DLGAP2: variants seen among roughly 807,000 people sequenced by gnomAD.
DLGAP2 encodes DLG associated protein 2, also known as disks large-associated protein 2.
Under a neutral mutation model 100.3 loss-of-function variants are expected in DLGAP2, and 26 were observed. The observed-to-expected ratio is 0.26, with a 90% CI of 0.19 to 0.36. The LOEUF is 0.36. Among genes scored for constraint, DLGAP2 ranks in the 10% least tolerant of loss-of-function variants. The pLI, the probability that DLGAP2 is intolerant of heterozygous loss-of-function variation, is 1.00. For synonymous variants in DLGAP2, 886 were observed against 630.1 expected (o/e 1.41, Z -6.08); for missense variants, 1,858 against 1,453.2 (o/e 1.28, Z -4.53).
At chr8:1,062,448 C>T (rs1803113875) in intron 2 of DLGAP2, among the ~76,000 whole-genome samples, 1 of 152,152 alleles carries the variant, frequency 6.6e-6, no homozygotes, top group Non-Finnish European at 1.5e-5. Flanking sequence ...CTGCGCTCGG[C>T]GTTTGGATGC....
At position 832,895 on chromosome 8, in the gene DLGAP2, T is replaced by C. The variant is rs186332511; in HGVS notation, c.19-75017T>C. On this transcript the variant is annotated intron_variant, in intron 1 of 14. Coordinates refer to ENST00000637795, the MANE Select transcript of DLGAP2 (RefSeq NM_001346810.2). ...CGGGGTGTATGGACATGGGGTGGGC[T>C]CTTCCTCTTGGGAGTCAGTTCTTTG... Among the ~76,000 whole-genome samples the C allele has an allele frequency of 2.0e-5, 3 of 152,264 alleles. No homozygotes were observed. In the East Asian group the frequency reaches 5.8e-4, roughly 29 times the overall value.
chr8:1,638,502 G>T (rs1362192608), intron 8 of DLGAP2, among the ~76,000 whole-genome samples: 1 of 152,166 alleles, frequency 6.6e-6, no homozygotes, highest in African/African-American at 2.4e-5. Context: ...TAACACGGGG[G>T]CCAGAGTCAT....
rs184893989 is a variant in DLGAP2 at position 1,556,373 on chromosome 8, G to A, written c.1230+6690G>A. Among the ~76,000 whole-genome samples the A allele has an allele frequency of 4.0e-4, 61 of 152,190 alleles. 2 individuals are homozygous for A. In the East Asian group the frequency reaches 0.012, roughly 29 times the overall value. On this transcript the variant is annotated intron_variant, in intron 5 of 14. Coordinates refer to ENST00000637795, the MANE Select transcript of DLGAP2 (RefSeq NM_001346810.2). ...GGACAGCTGAGGGTCTGCTCCTGCA[G>A]GAGTGCAGGTGGACGGGGTTTGGCT...
chr8:771,714 A>C (rs1209490872), intron 1 of DLGAP2, among the ~76,000 whole-genome samples: 2 of 152,254 alleles, frequency 1.3e-5, no homozygotes, highest in Non-Finnish European at 2.9e-5. Flanking sequence ...GTTAGGTGAA[A>C]ATATTTATCC....
At chr8:951,011 T>C (rs955907110) in intron 2 of DLGAP2, among the ~76,000 whole-genome samples, 2 of 152,206 alleles carry the variant, frequency 1.3e-5, no homozygotes, top group Admixed American at 6.5e-5. Context: ...CTTTGATTAT[T>C]TGGATTCCTA....
At chr8:1,362,167 G>A (rs913301918) in intron 3 of DLGAP2, among the ~76,000 whole-genome samples, 5 of 152,244 alleles carry the variant, frequency 3.3e-5, no homozygotes, top group African/African-American at 9.6e-5. Context: ...GCGCCGTCTC[G>A]GCACTGGCAG....
intron 11 of DLGAP2, 32 bp from the exon 12 acceptor site, chr8:1,678,182 C>A: frequency 6.3e-7 from 1 of 1,578,680 alleles, no homozygotes; most frequent in Non-Finnish European, 8.6e-7. Context: ...CTCAGAAGGG[C>A]TACCATCTGT....
intron 2 of DLGAP2, among the ~76,000 whole-genome samples, chr8:1,036,685 T>G (rs546890533): frequency 3.3e-5 from 5 of 152,162 alleles, no homozygotes; most frequent in African/African-American, 1.2e-4. Context: ...GCAGCTGTCG[T>G]GTACATGGCA....
intron 1 of DLGAP2, among the ~76,000 whole-genome samples, chr8:864,506 A>G (rs543978435): frequency 1.2e-4 from 19 of 152,276 alleles, no homozygotes; most frequent in South Asian, 1.2e-3. Context: ...CTATTCTGGG[A>G]CATCTTTTGG....
chr8:857,800 G>A (rs555314982), intron 1 of DLGAP2, among the ~76,000 whole-genome samples: 4 of 152,220 alleles, frequency 2.6e-5, no homozygotes, highest in South Asian at 2.1e-4. Context: ...TTGCCATGCC[G>A]TCTAGCAGTC....
chr8:1,173,997 A>G (rs1797193952), intron 2 of DLGAP2, among the ~76,000 whole-genome samples: 1 of 152,028 alleles, frequency 6.6e-6, no homozygotes, highest in Non-Finnish European at 1.5e-5. Flanking sequence ...TGTAGACTGG[A>G]GCTATTCCTA....
chr8:1,507,555 G>GC (rs1799971373), intron 4 of DLGAP2, among the ~76,000 whole-genome samples: 1 of 152,150 alleles, frequency 6.6e-6, no homozygotes, highest in African/African-American at 2.4e-5. Flanking sequence ...GCCTCGGCCA[G>GC]CCCCCAGGGC....
chr8:1,523,912 C>T (rs1396052270), intron 4 of DLGAP2, among the ~76,000 whole-genome samples: 1 of 152,154 alleles, frequency 6.6e-6, no homozygotes, highest in African/African-American at 2.4e-5. Context: ...AGTTCAGGGC[C>T]TGAGATAATC....
chr8:1,146,126 C>T (rs901133500), intron 2 of DLGAP2, among the ~76,000 whole-genome samples: 1 of 152,184 alleles, frequency 6.6e-6, no homozygotes, highest in South Asian at 2.1e-4. Flanking sequence ...AGGAGGGCGC[C>T]TGCCACACAT....
At chr8:1,590,633 C>G (rs1050351430) in intron 6 of DLGAP2, among the ~76,000 whole-genome samples, 2 of 152,192 alleles carry the variant, frequency 1.3e-5, no homozygotes, top group Admixed American at 1.3e-4. Context: ...GAAATGTGTA[C>G]TCCACACTCT....
At chr8:1,179,398 A>G (rs541106657) in intron 2 of DLGAP2, among the ~76,000 whole-genome samples, 7 of 152,336 alleles carry the variant, frequency 4.6e-5, no homozygotes, top group Non-Finnish European at 4.4e-5. Context: ...TGTGCAGTCG[A>G]TGGACACTTG....
intron 2 of DLGAP2, among the ~76,000 whole-genome samples, chr8:909,913 G>A (rs1798451924): frequency 6.6e-6 from 1 of 152,186 alleles, no homozygotes; most frequent in Non-Finnish European, 1.5e-5. Context: ...ACACAGCGGA[G>A]GTTCTTGGTG....
At chr8:1,193,825 C>T (rs559033470) in intron 2 of DLGAP2, among the ~76,000 whole-genome samples, 3 of 151,886 alleles carry the variant, frequency 2.0e-5, no homozygotes, top group African/African-American at 7.2e-5. Context: ...GACCCCCAGA[C>T]AGCATCCGGG....
chr8:1,245,126 C>A (rs529015773), intron 2 of DLGAP2, among the ~76,000 whole-genome samples: 2 of 152,186 alleles, frequency 1.3e-5, no homozygotes, highest in Non-Finnish European at 2.9e-5. Flanking sequence ...GAAACTGGAA[C>A]CTTCATACAC....
Sources: gnomAD v4.1 joint callset for allele counts (sites outside exome capture counted in the v4.1 genomes callset) on GRCh38, gnomAD v4.1.1 for gene constraint, MANE v1.5 for transcripts, NCBI Gene and HGNC (gene_info 2026-07-23, HGNC 2026-07-21) for gene names.